RALY: variants seen among roughly 807,000 people sequenced by gnomAD.
RALY encodes RALY heterogeneous nuclear ribonucleoprotein, also known as RNA-binding protein Raly.
In RALY, 15 loss-of-function variants were observed where a neutral mutation model predicts 30.7. That is an observed-to-expected ratio of 0.49 (90% CI 0.33 to 0.75). The LOEUF is 0.75. RALY is among the 30% of genes least tolerant of loss of function. The probability of loss-of-function intolerance (pLI) is 0.02; values close to 1 mark genes in which losing one functional copy is unlikely to be tolerated. For missense variants in RALY, 339 were observed against 414.3 expected, an observed-to-expected ratio of 0.82 and a Z score of 1.58; for synonymous variants, 177 against 170.8, an observed-to-expected ratio of 1.04 and a Z score of -0.28.
At chr20:34,008,951 C>T (rs2031282981) in intron 1 of RALY, among the ~76,000 whole-genome samples, 1 of 151,846 alleles carries the variant, frequency 6.6e-6, no homozygotes, top group Non-Finnish European at 1.5e-5. Flanking sequence ...GCCATTGCAC[C>T]TAGCCTCTAT....
At chr20:34,072,466 A>G in intron 3 of RALY, 136 bp downstream of exon 3, 1 of 1,207,122 alleles carries the variant, frequency 8.3e-7, no homozygotes, top group Middle Eastern at 2.9e-4. Context: ...GCTATGTTTA[A>G]GTTTTAAATA....
At chr20:34,059,957 T>G (rs1367718105) in intron 2 of RALY, among the ~76,000 whole-genome samples, 3 of 152,198 alleles carry the variant, frequency 2.0e-5, no homozygotes. Context: ...CCACCTAATT[T>G]CTCAAGTTGT....
In RALY at chr20:34,075,905, G is replaced by A. The variant is rs762486256; in HGVS notation, c.409G>A (p.Val137Met). 41 of 1,613,822 alleles carry A rather than the reference G, an allele frequency of 2.5e-5. No homozygotes were observed. The highest frequency in any genetic ancestry group is 3.2e-5 in the Non-Finnish European group (38 of 1,179,922). ...CGACTACCGGGGCCGTCTGTCGCCC[G>A]TGCCAGTGCCCAGGGCGGTCCCTGT... ...LFDYRGRLSP[V>M]PVPRAVPVKR... The change falls in exon 6 of 10, where the codon GTG (valine) becomes ATG (methionine). Residue 137 changes from valine to methionine, a missense_variant. This residue lies in a region of RALY where 268 missense variants were observed against 280.6 expected (regional missense o/e 0.95). Coordinates refer to ENST00000246194, the MANE Select transcript of RALY (RefSeq NM_016732.3).
At position 34,042,301 on chromosome 20, in the gene RALY, T is replaced by G. The variant is rs545821780; in HGVS notation, c.-10+10697T>G. On this transcript the variant is annotated intron_variant, in intron 2 of 9. Transcript: ENST00000246194. ...CACAGTTCGTAAAACGACACTGACC[T>G]GAACCAACTCTCCCATTTTATCATT... Among the ~76,000 whole-genome samples the G allele has an allele frequency of 1.1e-4, 17 of 152,326 alleles. No individual in the cohort carries two copies. The South Asian group carries it at 2.9e-3, about 26-fold the overall frequency.
intron 1 of RALY, among the ~76,000 whole-genome samples, chr20:34,021,717 T>A (rs2031828762): frequency 6.6e-6 from 1 of 152,138 alleles, no homozygotes; most frequent in East Asian, 1.9e-4. Flanking sequence ...CTTTATTAGC[T>A]GCGTGACCTT....
At chr20:34,037,449 G>A (rs1403597948) in intron 2 of RALY, among the ~76,000 whole-genome samples, 1 of 152,192 alleles carries the variant, frequency 6.6e-6, no homozygotes, top group Non-Finnish European at 1.5e-5. Context: ...GCTTTTGGGG[G>A]ACCATTCTGA....
intron 2 of RALY, among the ~76,000 whole-genome samples, chr20:34,050,468 G>A (rs923862969): frequency 1.3e-5 from 2 of 152,146 alleles, no homozygotes; most frequent in Admixed American, 6.5e-5. Flanking sequence ...GTTGTTTTTG[G>A]CCTTAATCTG....
chr20:34,035,171 A>AAC (rs1568669677), intron 2 of RALY, among the ~76,000 whole-genome samples: 26 of 133,294 alleles, frequency 2.0e-4, no homozygotes, highest in Non-Finnish European at 2.0e-4. Context: ...AAAAAAAAAA[A>AAC]AAAAAAAAAA....
At chr20:34,069,372 C>CTCGT (rs1309587510) in intron 2 of RALY, among the ~76,000 whole-genome samples, 1 of 152,202 alleles carries the variant, frequency 6.6e-6, no homozygotes, top group East Asian at 1.9e-4. Flanking sequence ...GAGTCCTGAT[C>CTCGT]TCGTCACAAT....
intron 2 of RALY, among the ~76,000 whole-genome samples, chr20:34,048,545 TG>T (rs1208700421): frequency 1.3e-5 from 2 of 152,324 alleles, no homozygotes; most frequent in East Asian, 3.9e-4. Flanking sequence ...TCAGGCTGCA[TG>T]ACTTCCAGGT....
At chr20:34,070,899 A>G (rs993156943) in intron 2 of RALY, among the ~76,000 whole-genome samples, 2 of 152,202 alleles carry the variant, frequency 1.3e-5, no homozygotes, top group African/African-American at 4.8e-5. Flanking sequence ...ACAGTTCTGC[A>G]GGCCGTACAG....
At position 34,083,368 on chromosome 20, in the gene RALY, C is replaced by G. The variant is rs2034059476; in HGVS notation, c.*3463C>G. 1 of 152,160 alleles carries G rather than the reference C, an allele frequency of 6.6e-6. No homozygotes were observed. Among genetic ancestry groups the G allele is most frequent in the Non-Finnish European group, 1.5e-5 (1 of 68,046 alleles). 9.4% of individuals were successfully genotyped at this position (152,160 alleles called of 1,614,324 possible). ...ACGTTCCAGCATCTAGCAGGCTGACCCAGGATTCTAGACATCATGGCTGAG... is the reference window on the plus strand; with the variant it reads ...ACGTTCCAGCATCTAGCAGGCTGACGCAGGATTCTAGACATCATGGCTGAG... On this transcript the variant is annotated 3_prime_UTR_variant, in exon 10 of 10. Coordinates refer to ENST00000246194, the MANE Select transcript of RALY (RefSeq NM_016732.3).
intron 2 of RALY, among the ~76,000 whole-genome samples, chr20:34,033,773 G>A (rs867648603): frequency 2.0e-5 from 3 of 152,096 alleles, no homozygotes; most frequent in African/African-American, 4.8e-5. Context: ...TATCTGTAGC[G>A]TCCCAGTCCC....
intron 1 of RALY, among the ~76,000 whole-genome samples, chr20:34,027,941 A>G (rs112265727): frequency 4.6e-5 from 7 of 152,344 alleles, no homozygotes; most frequent in South Asian, 2.1e-4. Context: ...TGCAGATTAG[A>G]ACTCAGGTCT....
intron 1 of RALY, among the ~76,000 whole-genome samples, chr20:34,003,150 G>A (rs1465504484): frequency 6.6e-6 from 1 of 152,106 alleles, no homozygotes; most frequent in Non-Finnish European, 1.5e-5. Context: ...ATGCTGTGTT[G>A]TGCTCCCGAT....
intron 1 of RALY, among the ~76,000 whole-genome samples, chr20:34,008,101 ACC>A (rs1320196120): frequency 6.6e-6 from 1 of 152,134 alleles, no homozygotes; most frequent in African/African-American, 2.4e-5. Flanking sequence ...GTTGCCTGGT[ACC>A]TTTTCCTACA....
chr20:34,052,756 A>G (rs895725846), intron 2 of RALY, among the ~76,000 whole-genome samples: 9 of 152,314 alleles, frequency 5.9e-5, no homozygotes, highest in Middle Eastern at 3.4e-3. Context: ...TTTGAGTTAT[A>G]TCTGGGGGAC....
intron 1 of RALY, among the ~76,000 whole-genome samples, chr20:34,013,721 T>A: frequency 6.6e-6 from 1 of 152,240 alleles, no homozygotes; most frequent in East Asian, 1.9e-4. Flanking sequence ...ACTCTAGTGC[T>A]GTGTCACACC....
chr20:34,064,033 A>T (rs550817863), intron 2 of RALY, among the ~76,000 whole-genome samples: 1 of 152,300 alleles, frequency 6.6e-6, no homozygotes, highest in African/African-American at 2.4e-5. Flanking sequence ...TAGTTATTTG[A>T]TAATACCTGG....
Sources: gnomAD v4.1 joint callset for allele counts (sites outside exome capture counted in the v4.1 genomes callset) on GRCh38, gnomAD v4.1.1 for gene constraint, gnomAD v4.1.1 regional missense constraint, MANE v1.5 for transcripts, NCBI Gene and HGNC (gene_info 2026-07-23, HGNC 2026-07-21) for gene names.